MTMR3: variants seen among roughly 807,000 people sequenced by gnomAD.
The protein encoded by MTMR3 is phosphatidylinositol-3,5-bisphosphate 3-phosphatase MTMR3.
A neutral mutation model predicts 132.4 loss-of-function variants in MTMR3; 32 were observed. That is an observed-to-expected ratio of 0.24 (90% confidence interval 0.18 to 0.32). The LOEUF (loss-of-function observed/expected upper bound fraction) is 0.32. Ranked by LOEUF, MTMR3 falls within the 10% of genes least tolerant of loss-of-function variation. The pLI, the probability that MTMR3 is intolerant of heterozygous loss-of-function variation, is 1.00. For synonymous variants in MTMR3, 556 were observed against 550.3 expected, an observed-to-expected ratio of 1.01 and a Z score of -0.14; for missense variants, 1,216 against 1,489.6, an observed-to-expected ratio of 0.82 and a Z score of 3.02.
chr22:29,962,105 G>C (rs2066323757), intron 2 of MTMR3, among the ~76,000 whole-genome samples: 1 of 152,226 alleles, frequency 6.6e-6, no homozygotes, highest in Non-Finnish European at 1.5e-5. Flanking sequence ...AAGCTTGACT[G>C]TATGTGCATA....
chr22:29,997,378 A>C (rs1250673321), intron 7 of MTMR3: 1 of 152,162 alleles, frequency 6.6e-6, no homozygotes, highest in Non-Finnish European at 1.5e-5. Context: ...CTAAAGTGAA[A>C]TCTGTTTTGT....
At chr22:29,894,797 T>C (rs979367270) in intron 1 of MTMR3, among the ~76,000 whole-genome samples, 2 of 152,228 alleles carry the variant, frequency 1.3e-5, no homozygotes, top group Admixed American at 1.3e-4. Context: ...TGGCTTTTGC[T>C]GTTAGTTTAC....
chr22:29,900,211 A>G (rs896418042), intron 1 of MTMR3, among the ~76,000 whole-genome samples: 2 of 152,168 alleles, frequency 1.3e-5, no homozygotes, highest in African/African-American at 2.4e-5. Flanking sequence ...TGGAGAGGAC[A>G]AAGTTTTAAG....
chr22:29,938,418 A>G (rs2065792198), intron 1 of MTMR3, among the ~76,000 whole-genome samples: 1 of 152,210 alleles, frequency 6.6e-6, no homozygotes, highest in South Asian at 2.1e-4. Context: ...TGATAGTGTC[A>G]AGAGCCTGGA....
At chr22:30,012,311 A>G (rs2067452947) in intron 12 of MTMR3, 57 bp from the exon 13 acceptor site, 10 of 1,548,040 alleles carry the variant, frequency 6.5e-6, no homozygotes, top group South Asian at 2.3e-5. Context: ...ATCATTGAGC[A>G]TGATGCAGTA....
At chr22:29,995,336 C>T (rs548293320) in intron 7 of MTMR3, 8 of 152,344 alleles carry the variant, frequency 5.3e-5, no homozygotes, top group South Asian at 2.1e-4. Context: ...TTCTCTGACT[C>T]TGGTATTGGT....
chr22:29,915,947 G>T (rs1053132596), intron 1 of MTMR3, among the ~76,000 whole-genome samples: 1 of 152,040 alleles, frequency 6.6e-6, no homozygotes, highest in Non-Finnish European at 1.5e-5. Context: ...CTGCTCTATA[G>T]TAGATACCTT....
Position 30,019,742 on chromosome 22 carries a change from G to A in MTMR3, c.2083G>A (p.Glu695Lys). Residue 695 changes from glutamate to lysine, a missense_variant, in exon 17 of 20, where the codon GAG becomes AAG. Physicochemically the swap from Glu to Lys is moderately conservative, Grantham distance 56. Around this residue, in one of 7 missense-constraint regions of MTMR3, gnomAD observed 852 missense variants for 852.0 expected, o/e 1.00. Coordinates refer to ENST00000401950, the MANE Select transcript of MTMR3 (RefSeq NM_021090.4). ...GGGGCAGATGGAGAACATCTTGCAG[G>A]AGGCCACCAAAGAGGAGAGTGGAGT... The part of the protein sequence containing the change: ...AEGQMENILQ[E>K]ATKEESGVEE... 3.7e-6 allele frequency: 6 copies of A among 1,614,210 alleles called. No homozygotes were observed. The highest frequency in any genetic ancestry group is 5.1e-6 in the Non-Finnish European group (6 of 1,180,032).
chr22:30,020,561 G>C lies in MTMR3; in HGVS notation c.2902G>C (p.Asp968His), dbSNP rs760522952. The C allele has an allele frequency of 6.2e-7, 1 of 1,614,196 alleles. No individual in the cohort carries two copies. Among genetic ancestry groups the C allele is most frequent in the East Asian group, 2.2e-5 (1 of 44,880 alleles). ...CAATGGGGAGGCTGGTAGGAGCAAG[G>C]ACTCACTGAGCCGTCAGCTGTCTGC... ...CANGEAGRSK[D>H]SLSRQLSAMS... is the part of the protein sequence containing the mutation. Residue 968 changes from aspartate to histidine, a missense_variant, in exon 17 of 20, where the codon GAC (aspartate) becomes CAC (histidine). Transcript: ENST00000401950.
rs910159957 is a variant in MTMR3, at chr22:30,000,467, T to TA, written c.557+1618dup. 22 of 136,718 alleles carry TA rather than the reference T, an allele frequency of 1.6e-4. 1 individual carries two copies. Among genetic ancestry groups the TA allele is most frequent in the African/African-American group, 4.7e-4 (15 of 32,250 alleles). 8.5% of individuals were successfully genotyped at this position (136,718 alleles called of 1,614,324 possible). On this transcript the variant is annotated intron_variant, in intron 8 of 19. Transcript: ENST00000401950. The stretch of plus-strand genomic sequence containing the variant: ...CCGAGCGAGACTTTGTCTTAAAAAA[T>TA]AAAAAAAATAAAAAAAAAAAATATA...
chr22:30,008,978 T>A (rs753142784), intron 11 of MTMR3, 40 bp from the exon 12 acceptor site: 2 of 1,432,366 alleles, frequency 1.4e-6, no homozygotes, highest in South Asian at 1.2e-5. Flanking sequence ...GGGCTTTAAG[T>A]TCAACGTATT....
intron 2 of MTMR3, among the ~76,000 whole-genome samples, chr22:29,963,663 G>C (rs1036438408): frequency 1.3e-5 from 2 of 152,072 alleles, no homozygotes; most frequent in African/African-American, 4.8e-5. Context: ...TGGGATTACA[G>C]GTGTGAGCCA....
intron 1 of MTMR3, among the ~76,000 whole-genome samples, chr22:29,890,088 A>G (rs1231902320): frequency 1.3e-5 from 2 of 151,620 alleles, no homozygotes; most frequent in African/African-American, 2.4e-5. Flanking sequence ...TTGTATTTTT[A>G]GTAGAGACAG....
chr22:29,960,487 CAG>C lies in MTMR3; in HGVS notation c.-85+3400_-85+3401del, dbSNP rs1374009985. Reference sequence around the variant, plus strand: ...GCATATGCGCGAACAAAAAAGGAGACAGTGTTGGAAACTGTCCTATCCAAATT... The same window carrying C: ...GCATATGCGCGAACAAAAAAGGAGACTGTTGGAAACTGTCCTATCCAAATT... On this transcript the variant is annotated intron_variant, in intron 2 of 19. Coordinates refer to ENST00000401950, the MANE Select transcript of MTMR3 (RefSeq NM_021090.4). Among the ~76,000 whole-genome samples, 92 of 152,258 alleles carry C rather than the reference CAG, an allele frequency of 6.0e-4. 1 individual carries two copies. The highest frequency in any genetic ancestry group is 5.9e-3 in the Admixed American group (91 of 15,298).
At chr22:29,906,578 C>T (rs2065108847) in intron 1 of MTMR3, among the ~76,000 whole-genome samples, 1 of 151,918 alleles carries the variant, frequency 6.6e-6, no homozygotes, top group African/African-American at 2.4e-5. Flanking sequence ...TCAAGTGTTC[C>T]ATCTCCCTCG....
chr22:29,934,622 G>T (rs1293625663), intron 1 of MTMR3, among the ~76,000 whole-genome samples: 2 of 152,132 alleles, frequency 1.3e-5, no homozygotes, highest in Non-Finnish European at 2.9e-5. Context: ...ACTTTGAAAA[G>T]ATTCTATTTT....
Position 30,027,295 on chromosome 22 carries a change from C to A in MTMR3, c.*1494C>A. The A allele has an allele frequency of 6.5e-6, 1 of 152,946 alleles. No homozygotes were observed. Among genetic ancestry groups the A allele is most frequent in the Non-Finnish European group, 1.5e-5 (1 of 68,074 alleles). The allele number at this position is 152,946 out of a possible 1,614,324, so 9.5% of individuals were successfully genotyped here. A position where few individuals can be genotyped will look rare whatever the true frequency, so the allele number is the denominator to read the frequency against. ...AGCTCTGGCCCTGCCCTGTATTCCT[C>A]TTCCCCTTGGTAGCAGTTCCCTGAC... On this transcript the variant is annotated 3_prime_UTR_variant, in exon 20 of 20. Transcript: ENST00000401950.
At chr22:29,889,488 T>C (rs550400830) in intron 1 of MTMR3, among the ~76,000 whole-genome samples, 71 of 151,940 alleles carry the variant, frequency 4.7e-4, no homozygotes, top group Middle Eastern at 3.2e-3. Context: ...GGTTTCACCA[T>C]GTTGGCCAGG....
rs2067960869 is a variant in MTMR3 at position 30,028,815 on chromosome 22, A to G, written c.*3014A>G. Reference sequence around the variant, plus strand: ...GCCACCCAGCAGGCGTTTGAAAACAAGAAATCATTCTTCTGTGGAAGGAGA... The same window carrying G: ...GCCACCCAGCAGGCGTTTGAAAACAGGAAATCATTCTTCTGTGGAAGGAGA... On this transcript the variant is annotated 3_prime_UTR_variant, in exon 20 of 20. Coordinates refer to ENST00000401950, the MANE Select transcript of MTMR3 (RefSeq NM_021090.4). 1 of 152,418 alleles carries G rather than the reference A, an allele frequency of 6.6e-6. No homozygotes were observed. The highest frequency in any genetic ancestry group is 6.5e-5 in the Admixed American group (1 of 15,290). 9.4% of individuals were successfully genotyped at this position (152,418 alleles called of 1,614,324 possible). A position where few individuals can be genotyped will look rare whatever the true frequency, so the allele number is the denominator to read the frequency against.
Sources: allele counts gnomAD v4.1 joint callset (sites outside exome capture counted in the v4.1 genomes callset), GRCh38; gene constraint gnomAD v4.1.1; regional missense constraint gnomAD v4.1.1; transcripts MANE v1.5; gene names NCBI Gene and HGNC (gene_info 2026-07-23, HGNC 2026-07-21).